Variants in ZSCAN5A observed in about 807,000 individuals in gnomAD.
The protein encoded by ZSCAN5A is zinc finger and SCAN domain-containing protein 5A.
In ZSCAN5A, 12 loss-of-function variants were observed where a neutral mutation model predicts 23.7. That is an observed-to-expected ratio of 0.51 (90% confidence interval 0.32 to 0.82). ZSCAN5A has a LOEUF of 0.82. Ranked by LOEUF, ZSCAN5A falls within the 40% of genes least tolerant of loss-of-function variation. The pLI, the probability that ZSCAN5A is intolerant of heterozygous loss-of-function variation, is 0.03. For missense variants in ZSCAN5A, 597 were observed against 617.9 expected, an observed-to-expected ratio of 0.97 and a Z score of 0.36; for synonymous variants, 257 against 239.9, an observed-to-expected ratio of 1.07 and a Z score of -0.66.
At chr19:56,248,165 T>C (rs940734552) in intron 2 of ZSCAN5A, among the ~76,000 whole-genome samples, 4 of 152,334 alleles carry the variant, frequency 2.6e-5, no homozygotes, top group African/African-American at 4.8e-5. Flanking sequence ...AAACAATTTT[T>C]TTTTAGTATC....
intron 2 of ZSCAN5A, among the ~76,000 whole-genome samples, chr19:56,260,346 C>T (rs1281140170): frequency 6.6e-6 from 1 of 151,432 alleles, no homozygotes; most frequent in Non-Finnish European, 1.5e-5. Context: ...TTCCTAGTAG[C>T]TGGGATTACA....
intron 2 of ZSCAN5A, chr19:56,340,883 A>C (rs754695791): frequency 7.0e-6 from 1 of 142,572 alleles, no homozygotes; most frequent in Admixed American, 6.7e-5. Flanking sequence ...CTTGCAGGAG[A>C]AGAGGGAAGT....
chr19:56,254,817 G>A (rs1299552207), intron 2 of ZSCAN5A, among the ~76,000 whole-genome samples: 1 of 152,092 alleles, frequency 6.6e-6, no homozygotes, highest in Non-Finnish European at 1.5e-5. Flanking sequence ...CTTTTCTTGT[G>A]TCTGTTGGCC....
exon 1 of ZSCAN5A, chr19:56,368,278 T>TG (rs2147476979): frequency 6.6e-6 from 1 of 152,530 alleles, no homozygotes; most frequent in African/African-American, 2.4e-5. Flanking sequence ...AGCGGGGCCG[T>TG]GGGGGCTGCA....
intron 2 of ZSCAN5A, among the ~76,000 whole-genome samples, chr19:56,265,054 G>A (rs541927438): frequency 2.6e-5 from 4 of 151,984 alleles, no homozygotes; most frequent in Non-Finnish European, 4.4e-5. Context: ...CCTGGGAGGC[G>A]GAGGTTGCAG....
intron 2 of ZSCAN5A, among the ~76,000 whole-genome samples, chr19:56,268,396 G>A (rs1052482725): frequency 6.6e-6 from 1 of 152,242 alleles, no homozygotes; most frequent in South Asian, 2.1e-4. Context: ...ACTGTACAGA[G>A]GGGTTGAACT....
chr19:56,327,907 TATAG>T (rs1273930869), intron 2 of ZSCAN5A, among the ~76,000 whole-genome samples: 5 of 152,094 alleles, frequency 3.3e-5, no homozygotes, highest in Admixed American at 2.0e-4. Flanking sequence ...ATATGTGTAG[TATAG>T]ATAATTCATA....
intron 2 of ZSCAN5A, among the ~76,000 whole-genome samples, chr19:56,330,577 C>T (rs527757785): frequency 6.6e-6 from 1 of 152,278 alleles, no homozygotes; most frequent in African/African-American, 2.4e-5. Flanking sequence ...TTTCATTTCT[C>T]TGACGACTAG....
At chr19:56,260,972 C>T (rs2037083557) in intron 2 of ZSCAN5A, among the ~76,000 whole-genome samples, 1 of 152,036 alleles carries the variant, frequency 6.6e-6, no homozygotes, top group Admixed American at 6.6e-5. Context: ...CTTTGGGAGG[C>T]CGAGGCGGGT....
chr19:56,254,652 TG>T (rs11396565), intron 2 of ZSCAN5A, among the ~76,000 whole-genome samples: 1 of 151,588 alleles, frequency 6.6e-6, no homozygotes, highest in Non-Finnish European at 1.5e-5. Flanking sequence ...GTTTAATTTT[TG>T]GGGGGGGCTG....
chr19:56,359,768 T>C (rs2041722549), intron 2 of ZSCAN5A, among the ~76,000 whole-genome samples: 1 of 152,120 alleles, frequency 6.6e-6, no homozygotes, highest in Non-Finnish European at 1.5e-5. Context: ...GCAAGGCTGG[T>C]TCAATACATG....
At chr19:56,255,854 T>C (rs1461423141) in intron 2 of ZSCAN5A, among the ~76,000 whole-genome samples, 1 of 152,154 alleles carries the variant, frequency 6.6e-6, no homozygotes, top group East Asian at 1.9e-4. Flanking sequence ...AAAACATGAT[T>C]TGTTAACTGC....
intron 2 of ZSCAN5A, among the ~76,000 whole-genome samples, chr19:56,277,236 T>C (rs1202280524): frequency 6.6e-6 from 1 of 152,158 alleles, no homozygotes. Context: ...CATGCACAAA[T>C]GTTCACAGCA....
intron 2 of ZSCAN5A, among the ~76,000 whole-genome samples, chr19:56,326,624 G>A (rs558482275): frequency 5.9e-5 from 9 of 151,920 alleles, no homozygotes; most frequent in African/African-American, 1.2e-4. Context: ...ATAGTGTACC[G>A]CTGGGTGCCT....
In ZSCAN5A at chr19:56,327,108, G is replaced by C. The variant is rs56248108; in HGVS notation, c.-357-10840C>G. 9.5e-3 allele frequency among the ~76,000 whole-genome samples: 1,449 copies of C among 151,758 alleles called. 13 individuals are homozygous for C. The highest frequency in any genetic ancestry group is 0.025 in the South Asian group (120 of 4,794). ...AGAGTCTAATTTCAGGTGTCCATTAGGATTTACTACATTCGTCATGCTATA... is the reference window on the plus strand; with the variant it reads ...AGAGTCTAATTTCAGGTGTCCATTACGATTTACTACATTCGTCATGCTATA... On this transcript the variant is annotated intron_variant, in intron 2 of 6. Coordinates refer to the ZSCAN5A transcript ENST00000587340.
At chr19:56,292,607 G>T (rs921318084) in intron 2 of ZSCAN5A, among the ~76,000 whole-genome samples, 1 of 151,910 alleles carries the variant, frequency 6.6e-6, no homozygotes, top group Non-Finnish European at 1.5e-5. Context: ...TAAAGTGTGC[G>T]ATTTAGTGGC....
chr19:56,238,350 T>C (rs1025409767), intron 2 of ZSCAN5A, among the ~76,000 whole-genome samples: 1 of 152,110 alleles, frequency 6.6e-6, no homozygotes, highest in African/African-American at 2.4e-5. Context: ...TGTAGTATAA[T>C]TACACCATGA....
rs748809925 is a variant in ZSCAN5A at position 56,224,914 on chromosome 19, C to T, written c.133G>A (p.Val45Met). 5.0e-6 allele frequency: 8 copies of T among 1,614,064 alleles called. No individual in the cohort carries two copies. In the African/African-American group the frequency reaches 6.7e-5, roughly 13 times the overall value. The change falls in exon 3 of 6, where the codon GTG becomes ATG. Residue 45 changes from valine to methionine, a missense_variant. Val to Met is a conservative substitution (Grantham distance 21). This residue lies in a region of ZSCAN5A where 72 missense variants were observed against 76.8 expected (regional missense o/e 0.94). Transcript: ENST00000683990. ...NHDVDPEISH[V>M]NFRMFSCPKE... ...GGGCAGCTGAACATCCTGAAGTTCA[C>T]GTGAGAAATCTCAGGGTCCACGTCG... is the stretch of plus-strand genomic sequence containing the variant.
At chr19:56,277,000 T>C (rs2147016160) in intron 2 of ZSCAN5A, among the ~76,000 whole-genome samples, 1 of 152,322 alleles carries the variant, frequency 6.6e-6, no homozygotes, top group South Asian at 2.1e-4. Flanking sequence ...CTCAACCTCA[T>C]TAGCCATCAG....
Sources: gnomAD v4.1 joint callset for allele counts (sites outside exome capture counted in the v4.1 genomes callset) on GRCh38, gnomAD v4.1.1 for gene constraint, gnomAD v4.1.1 regional missense constraint, MANE v1.5 for transcripts, NCBI Gene and HGNC (gene_info 2026-07-23, HGNC 2026-07-21) for gene names.